PCDH15: variants seen among roughly 807,000 people sequenced by gnomAD.
PCDH15 encodes the protein protocadherin related 15, also known as protocadherin-15.
A neutral mutation model predicts 178.5 loss-of-function variants in PCDH15; 129 were observed. The observed-to-expected ratio is 0.72, with a 90% CI of 0.63 to 0.84. The LOEUF is 0.84. Among genes scored for constraint, PCDH15 ranks in the 40% least tolerant of loss-of-function variants. The pLI, the probability that PCDH15 is intolerant of heterozygous loss-of-function variation, is 0.00. For missense variants in PCDH15, 2,230 were observed against 2,099.9 expected, an observed-to-expected ratio of 1.06 and a Z score of -1.21; for synonymous variants, 800 against 732.0, an observed-to-expected ratio of 1.09 and a Z score of -1.50.
At chr10:55,169,082 G>A (rs921361249) in intron 1 of PCDH15, among the ~76,000 whole-genome samples, 6 of 152,012 alleles carry the variant, frequency 3.9e-5, no homozygotes, top group South Asian at 4.1e-4. Flanking sequence ...CAACAGTACC[G>A]TTCTGGAGTT....
rs182269673 is a variant in PCDH15 at position 53,970,511 on chromosome 10, T to A, written c.2869-8619A>T. Among the ~76,000 whole-genome samples, 620 of 150,886 alleles carry A rather than the reference T, an allele frequency of 4.1e-3. 3 individuals are homozygous for A. The highest frequency in any genetic ancestry group is 0.01 in the Middle Eastern group (3 of 294). ...AATGAATCCAGGAGCTGTTTTTTTT[T>A]AAAAAATCAACTAAATTGATAGACT... On this transcript the variant is annotated intron_variant, in intron 21 of 37. Transcript: ENST00000644397.
chr10:55,436,440 GTTAT>G (rs2132063125), intron 2 of PCDH15, among the ~76,000 whole-genome samples: 1 of 152,106 alleles, frequency 6.6e-6, no homozygotes, highest in South Asian at 2.1e-4. Context: ...TGACATATAA[GTTAT>G]TTATATCTTG....
intron 8 of PCDH15, among the ~76,000 whole-genome samples, chr10:54,298,935 C>T (rs1242824480): frequency 1.3e-5 from 2 of 152,214 alleles, no homozygotes; most frequent in Non-Finnish European, 2.9e-5. Flanking sequence ...ATCCTACATG[C>T]CCATGCTGCA....
At chr10:55,164,866 C>T (rs1440013328) in intron 2 of PCDH15, among the ~76,000 whole-genome samples, 1 of 152,062 alleles carries the variant, frequency 6.6e-6, no homozygotes, top group East Asian at 1.9e-4. Context: ...GTGTAGAGTA[C>T]TTACCCTAAT....
At chr10:55,060,153 G>T (rs1841395248) in intron 2 of PCDH15, among the ~76,000 whole-genome samples, 1 of 151,946 alleles carries the variant, frequency 6.6e-6, no homozygotes, top group Non-Finnish European at 1.5e-5. Context: ...ATGCTTTTTA[G>T]AAATTTCCTT....
At chr10:54,352,854 A>G (rs1214351035) in intron 5 of PCDH15, among the ~76,000 whole-genome samples, 1 of 152,172 alleles carries the variant, frequency 6.6e-6, no homozygotes, top group Non-Finnish European at 1.5e-5. Flanking sequence ...TCCACGTTTA[A>G]TCAACAATGA....
At position 54,218,379 on chromosome 10, in the gene PCDH15, C is replaced by T. The variant is rs115152822; in HGVS notation, c.986-4331G>A. Among the ~76,000 whole-genome samples, 653 of 152,278 alleles carry T rather than the reference C, an allele frequency of 4.3e-3. 5 individuals carry two copies. Among genetic ancestry groups the T allele is most frequent in the African/African-American group, 0.014 (600 of 41,564 alleles). ...CCTGAGTTGTCCCCCTCACCATTAA[C>T]AATTTTATGTTGAAGCCCTTACTCC... On this transcript the variant is annotated intron_variant, in intron 9 of 37. Coordinates refer to ENST00000644397, the MANE Select transcript of PCDH15 (RefSeq NM_001384140.1).
intron 2 of PCDH15, among the ~76,000 whole-genome samples, chr10:54,641,851 T>C (rs570323013): frequency 2.6e-4 from 39 of 151,892 alleles, no homozygotes; most frequent in African/African-American, 8.7e-4. Flanking sequence ...TCTGCCCCCT[T>C]CCCCTGCCCC....
At chr10:54,454,767 T>G (rs1451694706) in intron 3 of PCDH15, among the ~76,000 whole-genome samples, 1 of 152,166 alleles carries the variant, frequency 6.6e-6, no homozygotes, top group Non-Finnish European at 1.5e-5. Flanking sequence ...TCTTTTGTCT[T>G]TTGACCTTTT....
At chr10:54,128,159 G>A (rs2042134905) in intron 15 of PCDH15, among the ~76,000 whole-genome samples, 1 of 152,078 alleles carries the variant, frequency 6.6e-6, no homozygotes, top group South Asian at 2.1e-4. Flanking sequence ...CCACCATTAA[G>A]AGGCTCAATA....
intron 1 of PCDH15, among the ~76,000 whole-genome samples, chr10:55,241,147 C>T (rs576301450): frequency 1.3e-5 from 2 of 152,166 alleles, no homozygotes; most frequent in South Asian, 4.1e-4. Context: ...ACCCGGGAGG[C>T]GGAGGTTGCA....
In PCDH15 at chr10:54,722,995, A is replaced by G. The variant is rs143634944; in HGVS notation, c.-28-58705T>C. Among the ~76,000 whole-genome samples the G allele has an allele frequency of 3.6e-3, 552 of 151,820 alleles. 1 individual carries two copies. Among genetic ancestry groups the G allele is most frequent in the African/African-American group, 0.012 (488 of 41,494 alleles). ...CAAATCAATCTACAGATTCAATGCA[A>G]TGCCTATCAATTTAGCAATGTTATT... On this transcript the variant is annotated intron_variant, in intron 1 of 37. Transcript: ENST00000644397.
chr10:55,206,296 A>G lies in PCDH15; in HGVS notation c.-155-39645T>C, dbSNP rs144684711. Among the ~76,000 whole-genome samples, 405 of 152,208 alleles carry G rather than the reference A, an allele frequency of 2.7e-3. 5 individuals carry two copies. Among genetic ancestry groups the G allele is most frequent in the African/African-American group, 8.9e-3 (370 of 41,488 alleles). ...CCAAATCTGGAAAACTTAAAAATGT[A>G]TGTATTTAATTTAAATGTCAAGTTG... On this transcript the variant is annotated intron_variant, in intron 1 of 5. Coordinates refer to the PCDH15 transcript ENST00000458638.
At chr10:54,397,588 T>C (rs1056408591) in intron 3 of PCDH15, among the ~76,000 whole-genome samples, 4 of 152,082 alleles carry the variant, frequency 2.6e-5, no homozygotes, top group African/African-American at 4.8e-5. Context: ...TATTGGAACT[T>C]AATTTTATAT....
chr10:54,603,974 T>A (rs1307716597), intron 2 of PCDH15, among the ~76,000 whole-genome samples: 1 of 152,004 alleles, frequency 6.6e-6, no homozygotes, highest in South Asian at 2.1e-4. Context: ...GTTGGTATGT[T>A]TTCTTTTCAT....
chr10:54,594,906 T>A, intron 2 of PCDH15, among the ~76,000 whole-genome samples: 1 of 152,144 alleles, frequency 6.6e-6, no homozygotes, highest in Non-Finnish European at 1.5e-5. Flanking sequence ...AAACAGTGTA[T>A]CTACTCCCAT....
intron 2 of PCDH15, among the ~76,000 whole-genome samples, chr10:55,508,341 T>G (rs2132148099): frequency 6.6e-6 from 1 of 151,880 alleles, no homozygotes; most frequent in Non-Finnish European, 1.5e-5. Flanking sequence ...ACTAAGAAAC[T>G]AACACAAGAA....
intron 3 of PCDH15, among the ~76,000 whole-genome samples, chr10:54,398,599 G>A (rs76822442): frequency 0.026 from 4,002 of 152,054 alleles, 168 homozygotes; most frequent in African/African-American, 0.089. Context: ...AGGAAAGTTT[G>A]TAAGTGAAAT....
chr10:55,350,228 CATATATATATATATATAT>C lies in PCDH15; in HGVS notation c.-155-183595_-155-183578del, dbSNP rs869240598. 5.7e-4 allele frequency among the ~76,000 whole-genome samples: 42 copies of C among 73,440 alleles called. No homozygotes were observed. The East Asian group carries it at 7.4e-3, about 13-fold the overall frequency. The allele number at this position is 73,440 out of a possible 152,430, so 48.2% of individuals were successfully genotyped here. A position where few individuals can be genotyped will look rare whatever the true frequency, so the allele number is the denominator to read the frequency against. ...GGTGAATATATACCATATATAAACTCATATATATATATATATATATATATATATATATATATATATACA... is the reference window on the plus strand; with the variant it reads ...GGTGAATATATACCATATATAAACTCATATATATATATATATATATATACA... On this transcript the variant is annotated intron_variant, in intron 2 of 5. Transcript: ENST00000613346.
Sources: allele counts gnomAD v4.1 joint callset (sites outside exome capture counted in the v4.1 genomes callset), GRCh38; gene constraint gnomAD v4.1.1; transcripts MANE v1.5; gene names NCBI Gene and HGNC (gene_info 2026-07-23, HGNC 2026-07-21).